The following MINDY3 variants were observed in gnomAD, a reference collection of about 807,000 sequenced individuals.
MINDY3 encodes MINDY lysine 48 deubiquitinase 3, also known as ubiquitin carboxyl-terminal hydrolase MINDY-3.
Under a neutral mutation model 69.2 loss-of-function variants are expected in MINDY3, and 38 were observed. The ratio of observed to expected loss-of-function variants is 0.55; its 90% CI spans 0.42 to 0.72. The LOEUF is 0.72. Among genes scored for constraint, MINDY3 ranks in the 30% least tolerant of loss-of-function variants. MINDY3 has a pLI of 0.00. For missense variants in MINDY3, 522 were observed against 519.0 expected (o/e 1.01, Z -0.06); for synonymous variants, 192 against 180.1 (o/e 1.07, Z -0.53).
intron 10 of MINDY3, among the ~76,000 whole-genome samples, chr10:15,807,328 G>A (rs1281438412): frequency 1.3e-5 from 2 of 152,148 alleles, no homozygotes; most frequent in African/African-American, 2.4e-5. Flanking sequence ...GAAAGAACAG[G>A]AGCAACAAGA....
At chr10:15,781,588 C>T (rs1439251660) in intron 14 of MINDY3, among the ~76,000 whole-genome samples, 1 of 152,034 alleles carries the variant, frequency 6.6e-6, no homozygotes, top group Admixed American at 6.6e-5. Flanking sequence ...AGCTGCAAAG[C>T]ATCATGGGTA....
intron 10 of MINDY3, among the ~76,000 whole-genome samples, chr10:15,812,673 A>G (rs747032462): frequency 7.9e-5 from 12 of 152,216 alleles, no homozygotes; most frequent in Non-Finnish European, 1.3e-4. Flanking sequence ...ATGTCAGAGA[A>G]GCTACAGCAT....
At chr10:15,827,172 G>C (rs1588602373) in intron 8 of MINDY3, among the ~76,000 whole-genome samples, 2 of 61,572 alleles carry the variant, frequency 3.2e-5, no homozygotes, top group East Asian at 8.8e-4. Context: ...TGATATAACA[G>C]GAGTAAAAAA....
rs774983172 is a variant in MINDY3, at chr10:15,796,083, ATGT to A, written c.955+14_955+16del. The stretch of plus-strand genomic sequence containing the variant: ...TATGAAGACATAAAACACAGAGATG[ATGT>A]TAAAATCTTTTACCTTCTGGGTCGT... On this transcript the variant is annotated intron_variant, in intron 11 of 14. Coordinates refer to ENST00000277632, the MANE Select transcript of MINDY3 (RefSeq NM_024948.4). 3 of 1,593,796 alleles carry A rather than the reference ATGT, an allele frequency of 1.9e-6. No homozygotes were observed. The South Asian group carries it at 3.3e-5, about 18-fold the overall frequency.
intron 10 of MINDY3, among the ~76,000 whole-genome samples, chr10:15,802,526 G>A (rs180784764): frequency 1.3e-4 from 20 of 152,044 alleles, no homozygotes; most frequent in Admixed American, 1.2e-3. Flanking sequence ...TGACTCAATC[G>A]CCTCCCACCA....
chr10:15,830,250 C>T (rs769797078), intron 8 of MINDY3, among the ~76,000 whole-genome samples: 2 of 152,110 alleles, frequency 1.3e-5, no homozygotes, highest in African/African-American at 4.8e-5. Flanking sequence ...GTTTGAGAAC[C>T]AGTTGTTGAT....
chr10:15,852,966 G>C (rs563356935), intron 1 of MINDY3, among the ~76,000 whole-genome samples: 2 of 152,134 alleles, frequency 1.3e-5, no homozygotes, highest in Non-Finnish European at 2.9e-5. Context: ...GGTATTGTAA[G>C]TAATCTAGAG....
intron 1 of MINDY3, among the ~76,000 whole-genome samples, chr10:15,859,681 A>G (rs1400338964): frequency 6.6e-6 from 1 of 152,222 alleles, no homozygotes; most frequent in Non-Finnish European, 1.5e-5. Flanking sequence ...TACACTTTTT[A>G]GCAAATAACA....
intron 8 of MINDY3, among the ~76,000 whole-genome samples, chr10:15,831,916 T>C (rs1021065288): frequency 2.0e-5 from 3 of 152,130 alleles, no homozygotes; most frequent in African/African-American, 7.2e-5. Context: ...CCTCAGGTGA[T>C]CCATCCACCT....
intron 10 of MINDY3, among the ~76,000 whole-genome samples, chr10:15,797,227 A>G (rs534423840): frequency 6.6e-6 from 1 of 152,304 alleles, no homozygotes; most frequent in Non-Finnish European, 1.5e-5. Flanking sequence ...TTATTTATAA[A>G]AAACAGGAAT....
chr10:15,796,479 AAAAAAAAACAAAAAAC>A (rs1837840542), intron 10 of MINDY3, among the ~76,000 whole-genome samples: 1 of 151,696 alleles, frequency 6.6e-6, no homozygotes. Context: ...GTAGCATGAA[AAAAAAAAACAAAAAAC>A]AAAACAAACA....
chr10:15,860,099 G>A (rs1834989354), intron 1 of MINDY3, 107 bp downstream of exon 1: 6 of 809,992 alleles, frequency 7.4e-6, no homozygotes, highest in Non-Finnish European at 1.2e-5. Flanking sequence ...ACGGCGACTG[G>A]GGCAGAGAGC....
chr10:15,838,160 G>C, intron 5 of MINDY3, 68 bp downstream of exon 5: 1 of 1,509,056 alleles, frequency 6.6e-7, no homozygotes, highest in Non-Finnish European at 8.8e-7. Context: ...CCTTTCCACA[G>C]TATGAACAGA....
intron 3 of MINDY3, among the ~76,000 whole-genome samples, chr10:15,841,983 T>C (rs182182492): frequency 1.4e-4 from 21 of 151,836 alleles, no homozygotes; most frequent in African/African-American, 4.1e-4. Flanking sequence ...AAACCTCTAT[T>C]TTTTTTCCCT....
At chr10:15,821,628 A>T (rs756652865) in intron 9 of MINDY3, 28 bp downstream of exon 9, 1 of 1,560,502 alleles carries the variant, frequency 6.4e-7, no homozygotes, top group East Asian at 2.2e-5. Context: ...AACAAAAAAC[A>T]TTCAAAGTAC....
chr10:15,837,840 A>C (rs1488605292), intron 5 of MINDY3: 1 of 967,242 alleles, frequency 1.0e-6, no homozygotes, highest in Non-Finnish European at 1.2e-6. Flanking sequence ...AAATGCTCTA[A>C]CAAAAATATC....
At chr10:15,842,904 C>CAAAAAA (rs370464190) in intron 3 of MINDY3, among the ~76,000 whole-genome samples, 3 of 68,230 alleles carry the variant, frequency 4.4e-5, no homozygotes, top group African/African-American at 6.3e-5. Context: ...AATAAGACTA[C>CAAAAAA]AAAAAAAAAA....
intron 10 of MINDY3, among the ~76,000 whole-genome samples, chr10:15,804,334 T>C (rs1002206279): frequency 6.6e-6 from 1 of 152,132 alleles, no homozygotes; most frequent in African/African-American, 2.4e-5. Context: ...GTATTATCAG[T>C]GTAACTATTC....
intron 8 of MINDY3, among the ~76,000 whole-genome samples, chr10:15,826,053 G>A (rs1564500720): frequency 6.6e-6 from 1 of 152,056 alleles, no homozygotes; most frequent in Non-Finnish European, 1.5e-5. Context: ...AAGAGACCAT[G>A]ACAAAATTAA....
Sources: allele counts gnomAD v4.1 joint callset (sites outside exome capture counted in the v4.1 genomes callset), GRCh38; gene constraint gnomAD v4.1.1; transcripts MANE v1.5; gene names NCBI Gene and HGNC (gene_info 2026-07-23, HGNC 2026-07-21).